FAM163A: variants seen among roughly 807,000 people sequenced by gnomAD.
FAM163A encodes the protein protein FAM163A.
FAM163A carries 7 observed loss-of-function variants against 12.0 expected under a neutral mutation model. The observed-to-expected ratio is 0.58, with a 90% CI of 0.33 to 1.10. The LOEUF (loss-of-function observed/expected upper bound fraction) is 1.10. Among genes scored for constraint, FAM163A ranks in the 50% least tolerant of loss-of-function variants. FAM163A has a pLI of 0.03. For missense variants in FAM163A, 202 were observed against 218.6 expected (o/e 0.92, Z 0.48); for synonymous variants, 101 against 91.0 (o/e 1.11, Z -0.62).
At chr1:179,778,937 G>A (rs375083519) in intron 1 of FAM163A, among the ~76,000 whole-genome samples, 2 of 152,300 alleles carry the variant, frequency 1.3e-5, no homozygotes, top group Admixed American at 6.5e-5. Context: ...TTGGGAGGGA[G>A]GTTCATAAGG....
At chr1:179,739,736 A>G (rs1683411244), upstream of FAM163A, among the ~76,000 whole-genome samples, 1 of 152,262 alleles carries the variant, frequency 6.6e-6, no homozygotes, top group South Asian at 2.1e-4. Flanking sequence ...CAAAAGACGT[A>G]AACAGAGATT....
Position 179,815,321 on chromosome 1 carries a change from C to G in FAM163A, c.*1132C>G, listed in dbSNP as rs1695229856. 6.6e-6 allele frequency: 1 copy of G among 152,290 alleles called. No individual in the cohort carries two copies. Among genetic ancestry groups the G allele is most frequent in the Admixed American group, 6.5e-5 (1 of 15,284 alleles). The allele number at this position is 152,290 out of a possible 1,614,324, so 9.4% of individuals were successfully genotyped here. A position where few individuals can be genotyped will look rare whatever the true frequency, so the allele number is the denominator to read the frequency against. ...AGCGGGCTGGTGAACAGGAAGAGCA[C>G]AGAATCTCTGTGGGGCGATGCTGCA... On this transcript the variant is annotated 3_prime_UTR_variant, in exon 5 of 5. Coordinates refer to ENST00000341785, the MANE Select transcript of FAM163A (RefSeq NM_173509.3).
At chr1:179,791,613 T>C (rs1008240569) in intron 1 of FAM163A, among the ~76,000 whole-genome samples, 4 of 152,240 alleles carry the variant, frequency 2.6e-5, no homozygotes, top group East Asian at 1.9e-4. Context: ...CATTTCAGCA[T>C]GGAGCTGATC....
At chr1:179,776,823 T>C (rs1274943320) in intron 1 of FAM163A, among the ~76,000 whole-genome samples, 1 of 152,256 alleles carries the variant, frequency 6.6e-6, no homozygotes, top group Non-Finnish European at 1.5e-5. Flanking sequence ...ATTCATGGTG[T>C]TGTACAACCA....
chr1:179,747,180 A>G (rs1557887913), intron 1 of FAM163A, among the ~76,000 whole-genome samples: 1 of 149,484 alleles, frequency 6.7e-6, no homozygotes. Flanking sequence ...AAAAAAAAAA[A>G]AGGTTTGACA....
chr1:179,787,574 A>G (rs1557945787), intron 1 of FAM163A, among the ~76,000 whole-genome samples: 1 of 152,222 alleles, frequency 6.6e-6, no homozygotes, highest in African/African-American at 2.4e-5. Context: ...AACACTTCAC[A>G]GAGGAGGAGC....
chr1:179,740,065 A>T (rs1045262017), upstream of FAM163A, among the ~76,000 whole-genome samples: 1 of 152,212 alleles, frequency 6.6e-6, no homozygotes, highest in African/African-American at 2.4e-5. Context: ...CTGGGCATTT[A>T]CCTTACAAAC....
chr1:179,794,836 G>C (rs1282555846), intron 1 of FAM163A, among the ~76,000 whole-genome samples: 1 of 152,162 alleles, frequency 6.6e-6, no homozygotes, highest in East Asian at 1.9e-4. Context: ...AGGCATTTAT[G>C]CAATCGTGTA....
At chr1:179,801,420 A>T (rs1252637421) in intron 1 of FAM163A, among the ~76,000 whole-genome samples, 1 of 152,086 alleles carries the variant, frequency 6.6e-6, no homozygotes, top group South Asian at 2.1e-4. Flanking sequence ...TCACCCAGGG[A>T]TGAGTGAGCA....
intron 2 of FAM163A, among the ~76,000 whole-genome samples, chr1:179,810,499 T>TCACC (rs1694564320): frequency 6.6e-6 from 1 of 152,170 alleles, no homozygotes; most frequent in African/African-American, 2.4e-5. Context: ...CCCTCGCAGT[T>TCACC]CCTGGAACTG....
chr1:179,788,400 C>T (rs1175125807), intron 1 of FAM163A, among the ~76,000 whole-genome samples: 1 of 152,226 alleles, frequency 6.6e-6, no homozygotes, highest in Admixed American at 6.5e-5. Context: ...GAAGATTCCT[C>T]ACCCTGAAGC....
chr1:179,810,638 G>A (rs1333904289), intron 2 of FAM163A, among the ~76,000 whole-genome samples: 2 of 152,174 alleles, frequency 1.3e-5, no homozygotes, highest in East Asian at 3.8e-4. Flanking sequence ...GTCAGTAGCT[G>A]CCCCACTCTA....
At chr1:179,775,782 C>T (rs554566668) in intron 1 of FAM163A, among the ~76,000 whole-genome samples, 15 of 152,282 alleles carry the variant, frequency 9.9e-5, no homozygotes, top group Admixed American at 9.8e-4. Flanking sequence ...CCGCAGAATA[C>T]TTTGAGGACT....
intron 1 of FAM163A, among the ~76,000 whole-genome samples, chr1:179,780,538 G>C (rs534026322): frequency 6.6e-6 from 1 of 152,288 alleles, no homozygotes; most frequent in South Asian, 2.1e-4. Flanking sequence ...TCGAAGTGTG[G>C]TCCCCAGATG....
In FAM163A at chr1:179,797,609, T is replaced by C. The variant is rs145009363; in HGVS notation, c.-135-10189T>C. On this transcript the variant is annotated intron_variant, in intron 1 of 4. Coordinates refer to ENST00000341785, the MANE Select transcript of FAM163A (RefSeq NM_173509.3). ...TTCTTACCTTAAAAAACAAAGTATG[T>C]GAGGTCATGCATATAACTAGCTTGA... Among the ~76,000 whole-genome samples, 266 of 152,282 alleles carry C rather than the reference T, an allele frequency of 1.7e-3. 3 individuals carry two copies. Among genetic ancestry groups the C allele is most frequent in the African/African-American group, 6.3e-3 (263 of 41,538 alleles).
intron 1 of FAM163A, among the ~76,000 whole-genome samples, chr1:179,786,884 G>A (rs79761859): frequency 5.3e-5 from 8 of 152,164 alleles, no homozygotes; most frequent in Non-Finnish European, 1.0e-4. Context: ...GCCCTTTCCC[G>A]AGGGTCTGGC....
At chr1:179,729,903 C>T in the FAM163A span, among the ~76,000 whole-genome samples, 3 of 152,170 alleles carry the variant, frequency 2.0e-5, no homozygotes, top group Non-Finnish European at 2.9e-5. Flanking sequence ...ATGGGCATAG[C>T]GAGGATGCAT....
At chr1:179,766,353 C>A (rs940192966) in intron 1 of FAM163A, among the ~76,000 whole-genome samples, 1 of 152,208 alleles carries the variant, frequency 6.6e-6, no homozygotes, top group Non-Finnish European at 1.5e-5. Flanking sequence ...CTGCTCCACA[C>A]CCAGAGGAAG....
chr1:179,811,818 G>A (rs996641802), intron 2 of FAM163A, among the ~76,000 whole-genome samples: 6 of 152,216 alleles, frequency 3.9e-5, no homozygotes, highest in Admixed American at 6.5e-5. Flanking sequence ...GCCACCAACA[G>A]AGCCTCCAGA....
Sources: allele counts gnomAD v4.1 joint callset (sites outside exome capture counted in the v4.1 genomes callset), GRCh38; gene constraint gnomAD v4.1.1; transcripts MANE v1.5; gene names NCBI Gene and HGNC (gene_info 2026-07-23, HGNC 2026-07-21).